COL12A1: variants seen among roughly 807,000 people sequenced by gnomAD.
COL12A1 encodes the protein collagen type XII alpha 1 chain.
A neutral mutation model predicts 349.7 loss-of-function variants in COL12A1; 114 were observed. That is an observed-to-expected ratio of 0.33 (90% CI 0.28 to 0.38). The LOEUF (loss-of-function observed/expected upper bound fraction) is 0.38. COL12A1 is among the 10% of genes least tolerant of loss of function. The probability of loss-of-function intolerance (pLI) is 1.00; values close to 1 mark genes in which losing one functional copy is unlikely to be tolerated. For missense variants in COL12A1, 3,284 were observed against 3,756.9 expected (o/e 0.87, Z 3.29); for synonymous variants, 1,369 against 1,329.0 (o/e 1.03, Z -0.66).
intron 13 of COL12A1, among the ~76,000 whole-genome samples, chr6:75,174,403 A>G (rs1333003049): frequency 6.6e-6 from 1 of 152,150 alleles, no homozygotes; most frequent in Non-Finnish European, 1.5e-5. Context: ...AAAAATACAA[A>G]AAATTAGCCA....
In COL12A1 at chr6:75,165,659, T is replaced by A. The variant is rs1424845481; in HGVS notation, c.2831A>T (p.Asp944Val). ...GYRVSWKSLY[D>V]DVDTGEKNLP... Reference sequence around the variant, plus strand: ...ATTTTTCTCTCCAGTGTCAACATCATCATAAAGTGATTTCCATGAGACCCT... The same window carrying A: ...ATTTTTCTCTCCAGTGTCAACATCAACATAAAGTGATTTCCATGAGACCCT... Residue 944 changes from aspartate to valine, a missense_variant, in exon 14 of 66, where the codon GAT becomes GTT. Transcript: ENST00000322507. 2 of 1,614,008 alleles carry A rather than the reference T, an allele frequency of 1.2e-6. No individual in the cohort carries two copies. The highest frequency in any genetic ancestry group is 1.7e-6 in the Non-Finnish European group (2 of 1,179,930).
Position 75,155,846 on chromosome 6 carries a change from A to G in COL12A1, c.3259T>C (p.Phe1087Leu), listed in dbSNP as rs2149423356. 2 of 1,596,346 alleles carry G rather than the reference A, an allele frequency of 1.3e-6. No individual in the cohort carries two copies. The highest frequency in any genetic ancestry group is 1.7e-6 in the Non-Finnish European group (2 of 1,174,990). The part of the protein sequence containing the change: ...RQGSGTTASR[F>L]KSPRNLKTSD... Reference sequence around the variant, plus strand: ...GTTTTGAGGTTTCTAGGAGACTTAAACCGAGAAGCTGTAAAGACAAAAAGA... The same window carrying G: ...GTTTTGAGGTTTCTAGGAGACTTAAGCCGAGAAGCTGTAAAGACAAAAAGA... The change falls in exon 16 of 66, where the codon TTT (phenylalanine) becomes CTT (leucine). Residue 1087 changes from phenylalanine (F) to leucine (L), a missense_variant. Transcript: ENST00000322507.
chr6:75,087,268 A>G (rs1395912503), intron 65 of COL12A1: 3 of 283,718 alleles, frequency 1.1e-5, no homozygotes, highest in East Asian at 9.7e-5. Flanking sequence ...CCTGTTCCCA[A>G]TCTTGGGGAA....
At chr6:75,133,206 C>G in intron 34 of COL12A1, 87 bp downstream of exon 34, 2 of 1,222,456 alleles carry the variant, frequency 1.6e-6, no homozygotes. Flanking sequence ...CCAAACTTTC[C>G]TAATTCTCTT....
intron 21 of COL12A1, among the ~76,000 whole-genome samples, chr6:75,149,469 C>T (rs1198073669): frequency 6.6e-6 from 1 of 152,028 alleles, no homozygotes; most frequent in Non-Finnish European, 1.5e-5. Flanking sequence ...GTTTTTCAAT[C>T]TGGGAACAAC....
chr6:75,184,930 G>T (rs1325035951), intron 8 of COL12A1, among the ~76,000 whole-genome samples: 2 of 152,176 alleles, frequency 1.3e-5, no homozygotes, highest in African/African-American at 4.8e-5. Flanking sequence ...AAATCAACCT[G>T]CAGGAAGTGT....
chr6:75,181,956 C>A (rs139598344), intron 10 of COL12A1, among the ~76,000 whole-genome samples: 1 of 151,238 alleles, frequency 6.6e-6, no homozygotes, highest in Non-Finnish European at 1.5e-5. Context: ...ATTAGCCAGG[C>A]GTGGTGGCAC....
intron 14 of COL12A1, among the ~76,000 whole-genome samples, chr6:75,159,502 TG>T (rs1049118470): frequency 1.7e-3 from 260 of 149,510 alleles, no homozygotes; most frequent in African/African-American, 6.1e-3. Flanking sequence ...GACTTTTACC[TG>T]GAGTTTTGAA....
chr6:75,124,161 G>A (rs1391645770), intron 41 of COL12A1, 67 bp from the exon 42 acceptor site: 11 of 1,592,720 alleles, frequency 6.9e-6, no homozygotes, highest in East Asian at 2.2e-5. Flanking sequence ...ATTTTATATC[G>A]CATTGTTATA....
rs754993978 is a variant in COL12A1, at chr6:75,145,366, G to C, written c.4650C>G (p.His1550Gln). The C allele has an allele frequency of 2.4e-5, 38 of 1,613,362 alleles. No homozygotes were observed. In the South Asian group the frequency reaches 3.4e-4, roughly 14 times the overall value. ...EYAVTVQAVL[H>Q]DLTSEPVTVR... ...CAGTGACAGGTTCACTAGTGAGGTCGTGCAGGACAGCCTGGACTGTGACTG... is the reference window on the plus strand; with the variant it reads ...CAGTGACAGGTTCACTAGTGAGGTCCTGCAGGACAGCCTGGACTGTGACTG... The change falls in exon 25 of 66, where the codon CAC becomes CAG. Residue 1550 changes from histidine (H) to glutamine (Q), a missense_variant. Physicochemically the swap from His to Gln is conservative, Grantham distance 24. Transcript: ENST00000322507.
chr6:75,169,254 G>A (rs558334011), intron 13 of COL12A1, among the ~76,000 whole-genome samples: 3 of 152,286 alleles, frequency 2.0e-5, no homozygotes, highest in East Asian at 1.9e-4. Context: ...GAAATTATCC[G>A]ACTTGCTTTG....
rs118049788 is a variant in COL12A1, at chr6:75,185,205, A to G, written c.998-1061T>C. Among the ~76,000 whole-genome samples, 1,211 of 152,274 alleles carry G rather than the reference A, an allele frequency of 8.0e-3. 49 individuals carry two copies. The East Asian group carries it at 0.13, about 16-fold the overall frequency. On this transcript the variant is annotated intron_variant, in intron 8 of 65. Transcript: ENST00000322507. ...ACTATCCCTGTTTGCAGATGACATA[A>G]TCCCTCTAGAAAACTGCAATGTCTC...
chr6:75,122,897 AT>A (rs1439728651), intron 43 of COL12A1, among the ~76,000 whole-genome samples: 1 of 152,190 alleles, frequency 6.6e-6, no homozygotes, highest in Non-Finnish European at 1.5e-5. Context: ...TGAATGGAAA[AT>A]TTTTTAGCAT....
intron 2 of COL12A1, among the ~76,000 whole-genome samples, chr6:75,200,292 G>C (rs751346551): frequency 2.6e-5 from 4 of 152,224 alleles, no homozygotes; most frequent in Non-Finnish European, 5.9e-5. Context: ...AATGTGGCCA[G>C]TACGAAATAA....
At chr6:75,122,110 G>A (rs902510535) in intron 43 of COL12A1, among the ~76,000 whole-genome samples, 2 of 151,916 alleles carry the variant, frequency 1.3e-5, no homozygotes, top group African/African-American at 2.4e-5. Flanking sequence ...CAAAGTGCTG[G>A]GATTACAGGC....
rs774938038 is a variant in COL12A1, at chr6:75,184,143, A to G, written c.999T>C (p.Val333=). 6 of 1,612,816 alleles carry G rather than the reference A, an allele frequency of 3.7e-6. No individual in the cohort carries two copies. The Admixed American group carries it at 8.3e-5, about 22-fold the overall frequency. ...CAATCAAATTTGAAGGAGGCTCAAC[A>G]ACTAAAAAGTTACAAGCAGACAGTG... ...QLGELVSGEE[V]VEPPSNLIAM... Residue 333 remains valine, a splice_region_variant and synonymous_variant, in exon 9 of 66, where the codon GTT becomes GTC. Transcript: ENST00000322507.
intron 14 of COL12A1, among the ~76,000 whole-genome samples, chr6:75,164,803 AGCCAGATGATTATGATAGGTAATT>A (rs1768202175): frequency 6.6e-6 from 1 of 152,120 alleles, no homozygotes; most frequent in Admixed American, 6.5e-5. Context: ...ATCTTTCACC[AGCCAGATGATTATGATAGGTAATT>A]CATAATTATT....
At position 75,117,441 on chromosome 6, in the gene COL12A1, T is replaced by G. The variant is rs1769137471; in HGVS notation, c.7460A>C (p.Glu2487Ala). 4 of 1,613,754 alleles carry G rather than the reference T, an allele frequency of 2.5e-6. No individual in the cohort carries two copies. The highest frequency in any genetic ancestry group is 2.5e-6 in the Non-Finnish European group (3 of 1,179,732). ...ERHVFIVDDFESFEKIEDNLI... is the reference protein window; with the variant it reads ...ERHVFIVDDFASFEKIEDNLI... ...ATTGTCTTCGATCTTCTCAAAAGAT[T>G]CAAAGTCGTCCACAATGAACACGTG... The change falls in exon 47 of 66, where the codon GAA (glutamate) becomes GCA (alanine). Residue 2487 changes from glutamate (E) to alanine (A), a missense_variant. Physicochemically the swap from Glu to Ala is moderately radical, Grantham distance 107. Around this residue, in one of 2 missense-constraint regions of COL12A1, gnomAD observed 683 missense variants for 932.1 expected, o/e 0.73. Transcript: ENST00000322507.
chr6:75,095,318 T>A, intron 59 of COL12A1, 139 bp from the exon 60 acceptor site: 1 of 660,586 alleles, frequency 1.5e-6, no homozygotes, highest in Non-Finnish European at 2.5e-6. Context: ...AACCAAATTT[T>A]AAGATAACAT....
Sources: allele counts gnomAD v4.1 joint callset (sites outside exome capture counted in the v4.1 genomes callset), GRCh38; gene constraint gnomAD v4.1.1; regional missense constraint gnomAD v4.1.1; transcripts MANE v1.5; gene names NCBI Gene and HGNC (gene_info 2026-07-23, HGNC 2026-07-21).